Variants in KCNJ6 observed in about 807,000 individuals in gnomAD.
The protein encoded by KCNJ6 is potassium inwardly rectifying channel subfamily J member 6, also known as G protein-activated inward rectifier potassium channel 2.
Under a neutral mutation model 34.2 loss-of-function variants are expected in KCNJ6, and 9 were observed. That is an observed-to-expected ratio of 0.26 (90% CI 0.16 to 0.46). The LOEUF (loss-of-function observed/expected upper bound fraction) is 0.46, where lower values mean the gene tolerates loss of function less well. Ranked by LOEUF, KCNJ6 falls within the 20% of genes least tolerant of loss-of-function variation. The pLI is 1.00. For missense variants in KCNJ6, 236 were observed against 531.3 expected, an observed-to-expected ratio of 0.44 and a Z score of 5.46; for synonymous variants, 196 against 207.1, an observed-to-expected ratio of 0.95 and a Z score of 0.46.
intron 2 of KCNJ6, among the ~76,000 whole-genome samples, chr21:37,730,339 G>T (rs1390968275): frequency 1.3e-5 from 2 of 152,182 alleles, no homozygotes; most frequent in Non-Finnish European, 2.9e-5. Context: ...TGCCTGGTGG[G>T]CCTGGGTTGG....
At chr21:37,709,792 A>T (rs1439581952) in intron 3 of KCNJ6, among the ~76,000 whole-genome samples, 1 of 152,210 alleles carries the variant, frequency 6.6e-6, no homozygotes, top group Non-Finnish European at 1.5e-5. Flanking sequence ...GGTGTGATTT[A>T]TGTGACTAAA....
At chr21:37,882,928 G>A (rs2055716925) in intron 1 of KCNJ6, among the ~76,000 whole-genome samples, 1 of 152,226 alleles carries the variant, frequency 6.6e-6, no homozygotes, top group Non-Finnish European at 1.5e-5. Context: ...AAGTGGGCAT[G>A]CACATTTGTG....
intron 3 of KCNJ6, among the ~76,000 whole-genome samples, chr21:37,698,328 C>T (rs910636029): frequency 3.3e-5 from 5 of 152,196 alleles, no homozygotes; most frequent in South Asian, 2.1e-4. Flanking sequence ...CTTCTCCAGG[C>T]GGGGGCTGCC....
intron 2 of KCNJ6, among the ~76,000 whole-genome samples, chr21:37,801,121 A>G (rs1287740962): frequency 6.6e-6 from 1 of 152,180 alleles, no homozygotes; most frequent in African/African-American, 2.4e-5. Context: ...GGTTCTCTGC[A>G]TATCATCTGG....
intron 3 of KCNJ6, among the ~76,000 whole-genome samples, chr21:37,712,733 C>T (rs1414375947): frequency 8.6e-6 from 1 of 115,850 alleles, no homozygotes; most frequent in Non-Finnish European, 1.8e-5. Context: ...CCTTCCTCCC[C>T]TTCTCCTCCT....
chr21:37,903,234 A>G (rs1347052041), intron 1 of KCNJ6, among the ~76,000 whole-genome samples: 1 of 152,196 alleles, frequency 6.6e-6, no homozygotes, highest in African/African-American at 2.4e-5. Context: ...TAACTGAATC[A>G]TGGGGGTAGT....
In KCNJ6 at chr21:37,616,596, T is replaced by TATATATATATAC. The variant is rs1204476027; in HGVS notation, c.*8562_*8563insGTATATATATAT. ...GAAGCAGGAACAAAATGTACATATA[T>TATATATATATAC]ATATATATATATATATATATGGTTA... On this transcript the variant is annotated 3_prime_UTR_variant, in exon 4 of 4. Transcript: ENST00000609713. The TATATATATATAC allele has an allele frequency of 1.1e-4, 5 of 44,316 alleles. 1 individual carries two copies. Among genetic ancestry groups the TATATATATATAC allele is most frequent in the African/African-American group, 5.7e-4 (5 of 8,704 alleles). The allele number at this position is 44,316 out of a possible 1,614,324, so 2.7% of individuals were successfully genotyped here.
At chr21:37,853,161 C>T (rs1250765334) in intron 1 of KCNJ6, among the ~76,000 whole-genome samples, 3 of 129,592 alleles carry the variant, frequency 2.3e-5, no homozygotes, top group Non-Finnish European at 3.4e-5. Flanking sequence ...AAAAAAAAAA[C>T]AACTACAGAT....
chr21:37,848,982 T>C (rs572784849), intron 1 of KCNJ6, among the ~76,000 whole-genome samples: 128 of 152,236 alleles, frequency 8.4e-4, no homozygotes, highest in Non-Finnish European at 1.5e-3. Flanking sequence ...GACTCATTTC[T>C]CCTTTCCTAG....
chr21:37,675,976 C>A lies in KCNJ6; in HGVS notation c.946+38235G>T, dbSNP rs1601414641. ...TCATGTGAGCTCTGGACCAGCAATA[C>A]CTGCACCCTTGCCAGCAGGTTGCAA... On this transcript the variant is annotated intron_variant, in intron 3 of 3. Transcript: ENST00000609713. The surrounding 1 kb of genome is among the most constrained non-coding windows in gnomAD (Gnocchi z 4.2). Among the ~76,000 whole-genome samples, 1 of 152,206 alleles carries A rather than the reference C, an allele frequency of 6.6e-6. No homozygotes were observed. Among genetic ancestry groups the A allele is most frequent in the African/African-American group, 2.4e-5 (1 of 41,450 alleles).
chr21:37,880,911 T>G (rs1301334093), intron 1 of KCNJ6, among the ~76,000 whole-genome samples: 3 of 152,050 alleles, frequency 2.0e-5, no homozygotes, highest in African/African-American at 7.2e-5. Context: ...TCAGAGAACA[T>G]GTGGATAAGA....
intron 1 of KCNJ6, among the ~76,000 whole-genome samples, chr21:37,912,568 C>A (rs1165660378): frequency 1.3e-5 from 2 of 152,174 alleles, no homozygotes; most frequent in African/African-American, 2.4e-5. Flanking sequence ...TCAGATGGAA[C>A]AAGGCCAAGG....
intron 3 of KCNJ6, among the ~76,000 whole-genome samples, chr21:37,655,524 T>TTG (rs138039125): frequency 6.7e-5 from 10 of 149,602 alleles, no homozygotes; most frequent in South Asian, 6.5e-4. Flanking sequence ...GGCTGTGCAC[T>TTG]TGTGTGTGTG....
intron 2 of KCNJ6, among the ~76,000 whole-genome samples, chr21:37,758,362 T>C (rs1180056737): frequency 6.6e-6 from 1 of 152,218 alleles, no homozygotes; most frequent in Non-Finnish European, 1.5e-5. Flanking sequence ...GAAGTTACCC[T>C]GCGCCAGGTG....
At position 37,714,064 on chromosome 21, in the gene KCNJ6, T is replaced by A; in HGVS notation, c.946+147A>T. 4 of 665,070 alleles carry A rather than the reference T, an allele frequency of 6.0e-6. No homozygotes were observed. In the Admixed American group the frequency reaches 7.9e-5, roughly 13 times the overall value. The allele number at this position is 665,070 out of a possible 1,614,324, so 41.2% of individuals were successfully genotyped here. A position where few individuals can be genotyped will look rare whatever the true frequency, so the allele number is the denominator to read the frequency against. On this transcript the variant is annotated intron_variant, in intron 3 of 3. Coordinates refer to ENST00000609713, the MANE Select transcript of KCNJ6 (RefSeq NM_002240.5). The surrounding 1 kb of genome is among the most constrained non-coding windows in gnomAD (Gnocchi z 5.9). The stretch of plus-strand genomic sequence containing the variant: ...TGGTGGATATACTTCAGGTGAGACA[T>A]GTAGGCATACTATGTCATGAAGCAA...
chr21:37,646,055 G>A (rs936893021), intron 3 of KCNJ6, among the ~76,000 whole-genome samples: 6 of 152,244 alleles, frequency 3.9e-5, no homozygotes, highest in Non-Finnish European at 7.3e-5. Flanking sequence ...TTCTGAATTC[G>A]TACATCCTCG....
In KCNJ6 at chr21:37,796,309, AGAGT is replaced by A. The variant is rs376032848; in HGVS notation, c.25+44345_25+44348del. Among the ~76,000 whole-genome samples, 22 of 152,304 alleles carry A rather than the reference AGAGT, an allele frequency of 1.4e-4. No individual in the cohort carries two copies. In the East Asian group the frequency reaches 4.2e-3, roughly 29 times the overall value. ...GGTGTGTTGGAAACAAAGCGAAATT[AGAGT>A]GATATTAAAATAAATGACTCCATTA... On this transcript the variant is annotated intron_variant, in intron 2 of 3. Coordinates refer to ENST00000609713, the MANE Select transcript of KCNJ6 (RefSeq NM_002240.5).
intron 3 of KCNJ6, among the ~76,000 whole-genome samples, chr21:37,645,023 T>G (rs202083561): frequency 1.1e-3 from 157 of 147,462 alleles, no homozygotes; most frequent in African/African-American, 3.7e-3. Context: ...GTGGGTTTTT[T>G]TTTTTTTTTT....
chr21:37,832,577 G>T lies in KCNJ6; in HGVS notation c.25+8081C>A, dbSNP rs557783121. On this transcript the variant is annotated intron_variant, in intron 2 of 3. Coordinates refer to ENST00000609713, the MANE Select transcript of KCNJ6 (RefSeq NM_002240.5). ...CTGGGACCCAGGCTTTGTCTTTGTA[G>T]GCAGGTGGTTCTGGAGGCATGGGGC... Among the ~76,000 whole-genome samples, 26 of 152,200 alleles carry T rather than the reference G, an allele frequency of 1.7e-4. 1 individual carries two copies. In the South Asian group the frequency reaches 5.4e-3, roughly 32 times the overall value.
Sources: allele counts gnomAD v4.1 joint callset (sites outside exome capture counted in the v4.1 genomes callset), GRCh38; gene constraint gnomAD v4.1.1; non-coding constraint Gnocchi (gnomAD v3.1); transcripts MANE v1.5; gene names NCBI Gene and HGNC (gene_info 2026-07-23, HGNC 2026-07-21).